Variants in GRIK2 observed in about 807,000 individuals in gnomAD.
The protein encoded by GRIK2 is glutamate receptor ionotropic, kainate 2.
In GRIK2, 32 loss-of-function variants were observed where a neutral mutation model predicts 100.3. The ratio of observed to expected loss-of-function variants is 0.32; its 90% CI spans 0.24 to 0.43. The LOEUF is 0.43. Among genes scored for constraint, GRIK2 ranks in the 20% least tolerant of loss-of-function variants. The probability of loss-of-function intolerance (pLI) is 1.00; values close to 1 mark genes in which losing one functional copy is unlikely to be tolerated. For synonymous variants in GRIK2, 417 were observed against 389.4 expected, an observed-to-expected ratio of 1.07 and a Z score of -0.83; for missense variants, 843 against 1,114.9, an observed-to-expected ratio of 0.76 and a Z score of 3.47.
chr6:101,745,237 A>G (rs1305813771), intron 7 of GRIK2: 1 of 152,202 alleles, frequency 6.6e-6, no homozygotes, highest in African/African-American at 2.4e-5. Flanking sequence ...TGGTAGCGAA[A>G]TATAAACCTG....
intron 2 of GRIK2, among the ~76,000 whole-genome samples, chr6:101,468,835 A>T (rs1771798763): frequency 6.6e-6 from 1 of 152,176 alleles, no homozygotes; most frequent in Non-Finnish European, 1.5e-5. Context: ...GTTCCTCATG[A>T]TAATAACACC....
chr6:101,975,841 A>ATCTATCTATCTATCTG (rs1562081622), intron 14 of GRIK2, among the ~76,000 whole-genome samples: 1 of 151,546 alleles, frequency 6.6e-6, no homozygotes, highest in African/African-American at 2.4e-5. Context: ...CTATCTATCT[A>ATCTATCTATCTATCTG]TCTATCCCTC....
chr6:101,487,767 G>A (rs987874701), intron 2 of GRIK2, among the ~76,000 whole-genome samples: 2 of 146,226 alleles, frequency 1.4e-5, no homozygotes, highest in African/African-American at 5.2e-5. Context: ...TAGTGTTATG[G>A]ATACAGCATT....
chr6:101,693,447 A>C (rs1373737487), intron 7 of GRIK2, among the ~76,000 whole-genome samples: 1 of 151,962 alleles, frequency 6.6e-6, no homozygotes, highest in African/African-American at 2.4e-5. Context: ...AAAAAAAAAA[A>C]ACTTTACCTG....
At chr6:101,991,225 C>G (rs1460970543) in intron 14 of GRIK2, among the ~76,000 whole-genome samples, 1 of 151,690 alleles carries the variant, frequency 6.6e-6, no homozygotes, top group Non-Finnish European at 1.5e-5. Flanking sequence ...ATGCCAGACA[C>G]TATGATAAAT....
In GRIK2 at chr6:102,030,989, A is replaced by G. The variant is rs1249650181; in HGVS notation, c.2086-4352A>G. Among the ~76,000 whole-genome samples the G allele has an allele frequency of 2.7e-5, 4 of 150,300 alleles. No homozygotes were observed. The East Asian group carries it at 7.9e-4, about 30-fold the overall frequency. On this transcript the variant is annotated intron_variant, in intron 14 of 16. Coordinates refer to ENST00000369134, the MANE Select transcript of GRIK2 (RefSeq NM_021956.5). ...TCTTTCAGTTTTTTCCTCTGTCAGT[A>G]ATGCTCAAGTGTAAACCAGAAACCA...
intron 2 of GRIK2, among the ~76,000 whole-genome samples, chr6:101,560,051 C>T (rs2128295255): frequency 6.6e-6 from 1 of 152,184 alleles, no homozygotes; most frequent in East Asian, 1.9e-4. Flanking sequence ...AATAGGTCAG[C>T]TGATTCGATG....
At chr6:101,519,148 C>G (rs1774739559) in intron 2 of GRIK2, among the ~76,000 whole-genome samples, 1 of 152,072 alleles carries the variant, frequency 6.6e-6, no homozygotes, top group South Asian at 2.1e-4. Context: ...CACAACATTT[C>G]CTTACTACAA....
At chr6:101,721,665 AGTT>A (rs1172471384) in intron 7 of GRIK2, among the ~76,000 whole-genome samples, 2 of 152,002 alleles carry the variant, frequency 1.3e-5, no homozygotes, top group Non-Finnish European at 2.9e-5. Context: ...TTCTTTAATA[AGTT>A]GTTCTACATT....
chr6:101,486,150 A>G (rs1056637828), intron 2 of GRIK2, among the ~76,000 whole-genome samples: 1 of 152,080 alleles, frequency 6.6e-6, no homozygotes, highest in Non-Finnish European at 1.5e-5. Context: ...TGGTGTGTTC[A>G]GTCTCCTCTC....
intron 2 of GRIK2, among the ~76,000 whole-genome samples, chr6:101,476,734 A>G (rs765597325): frequency 3.3e-5 from 5 of 152,172 alleles, no homozygotes; most frequent in Non-Finnish European, 7.4e-5. Context: ...TAAAAATCAT[A>G]TGTTCTGCCT....
intron 13 of GRIK2, among the ~76,000 whole-genome samples, chr6:101,925,679 T>C (rs1314858390): frequency 2.0e-5 from 3 of 151,876 alleles, no homozygotes; most frequent in African/African-American, 7.2e-5. Flanking sequence ...TTCATAAGAG[T>C]TATCATACCT....
chr6:101,570,124 C>T (rs1366029128), intron 2 of GRIK2, among the ~76,000 whole-genome samples: 2 of 152,048 alleles, frequency 1.3e-5, no homozygotes, highest in African/African-American at 4.8e-5. Flanking sequence ...AGAGAGCAGC[C>T]TTTGAAAACA....
At chr6:102,042,270 G>C (rs1216295832) in intron 15 of GRIK2, among the ~76,000 whole-genome samples, 3 of 151,376 alleles carry the variant, frequency 2.0e-5, no homozygotes. Context: ...ATCTCCAAAG[G>C]CCTGTATATT....
At chr6:101,798,631 C>G (rs558118703) in intron 7 of GRIK2, among the ~76,000 whole-genome samples, 3 of 152,046 alleles carry the variant, frequency 2.0e-5, no homozygotes, top group African/African-American at 7.2e-5. Context: ...TACAGGGTTC[C>G]TATTCATTTC....
At chr6:101,718,623 T>C (rs1215954076) in intron 7 of GRIK2, among the ~76,000 whole-genome samples, 1 of 151,948 alleles carries the variant, frequency 6.6e-6, no homozygotes, top group Non-Finnish European at 1.5e-5. Flanking sequence ...TTCCAGTGTA[T>C]TGTGAAAAAT....
intron 14 of GRIK2, among the ~76,000 whole-genome samples, chr6:101,975,465 C>G (rs1793306180): frequency 6.6e-6 from 1 of 151,828 alleles, no homozygotes; most frequent in Non-Finnish European, 1.5e-5. Flanking sequence ...AAGAAAAGGG[C>G]TTGTTGTAAG....
chr6:101,956,852 A>T (rs1203493311), intron 14 of GRIK2, among the ~76,000 whole-genome samples: 1 of 126,546 alleles, frequency 7.9e-6, no homozygotes, highest in Non-Finnish European at 1.8e-5. Context: ...AGAATTATAG[A>T]TATATACATA....
At chr6:101,731,792 A>C (rs188375867) in intron 7 of GRIK2, among the ~76,000 whole-genome samples, 161 of 152,154 alleles carry the variant, frequency 1.1e-3, no homozygotes, top group Non-Finnish European at 1.1e-3. Flanking sequence ...TAAAACCTCT[A>C]ACAGACAAGA....
Sources: allele counts gnomAD v4.1 joint callset (sites outside exome capture counted in the v4.1 genomes callset), GRCh38; gene constraint gnomAD v4.1.1; transcripts MANE v1.5; gene names NCBI Gene and HGNC (gene_info 2026-07-23, HGNC 2026-07-21).